Variants in PAX5 observed in about 807,000 individuals in gnomAD.
The protein encoded by PAX5 is paired box protein Pax-5.
Under a neutral mutation model 43.7 loss-of-function variants are expected in PAX5, and 9 were observed. The ratio of observed to expected loss-of-function variants is 0.21; its 90% CI spans 0.12 to 0.36. The LOEUF is 0.36. PAX5 is among the 10% of genes least tolerant of loss of function. The pLI, the probability that PAX5 is intolerant of heterozygous loss-of-function variation, is 1.00. For missense variants in PAX5, 383 were observed against 532.7 expected (o/e 0.72, Z 2.77); for synonymous variants, 228 against 214.3 (o/e 1.06, Z -0.56).
chr9:36,970,814 AT>A (rs1040953105), intron 5 of PAX5, among the ~76,000 whole-genome samples: 22 of 152,110 alleles, frequency 1.4e-4, no homozygotes, highest in African/African-American at 5.3e-4. Flanking sequence ...TCCAGCTCCC[AT>A]TCTTAGGGCT....
At chr9:36,970,296 G>A (rs910512058) in intron 5 of PAX5, among the ~76,000 whole-genome samples, 1 of 152,184 alleles carries the variant, frequency 6.6e-6, no homozygotes, top group African/African-American at 2.4e-5. Flanking sequence ...GGATGGGGCA[G>A]AGAGGGTGCC....
intron 6 of PAX5, among the ~76,000 whole-genome samples, chr9:36,942,172 G>A (rs1188876947): frequency 1.3e-5 from 2 of 152,188 alleles, no homozygotes; most frequent in African/African-American, 4.8e-5. Flanking sequence ...TCCTAGGTCA[G>A]GCCTATAACT....
At chr9:36,988,604 A>C (rs1460127561) in intron 5 of PAX5, among the ~76,000 whole-genome samples, 1 of 147,906 alleles carries the variant, frequency 6.8e-6, no homozygotes, top group African/African-American at 2.5e-5. Context: ...TCAAGGCTGC[A>C]GTGAGCTGTG....
chr9:36,854,952 G>A (rs991652879), intron 8 of PAX5, among the ~76,000 whole-genome samples: 4 of 152,238 alleles, frequency 2.6e-5, no homozygotes, highest in African/African-American at 7.2e-5. Flanking sequence ...GGAGCCTGGC[G>A]TGGAGGCCAG....
intron 6 of PAX5, among the ~76,000 whole-genome samples, chr9:36,965,628 G>A (rs1257942978): frequency 6.6e-6 from 1 of 152,232 alleles, no homozygotes; most frequent in Non-Finnish European, 1.5e-5. Flanking sequence ...AGATTCAGAA[G>A]CATCCTCTAA....
At chr9:36,945,570 C>G (rs185430513) in intron 6 of PAX5, among the ~76,000 whole-genome samples, 15 of 152,310 alleles carry the variant, frequency 9.8e-5, no homozygotes, top group African/African-American at 2.9e-4. Context: ...GCCAAGATAA[C>G]CAAATCAAGT....
chr9:36,834,047 T>A lies in PAX5; in HGVS notation c.*6513A>T. 1 of 233,178 alleles carries A rather than the reference T, an allele frequency of 4.3e-6. No homozygotes were observed. Among genetic ancestry groups the A allele is most frequent in the Non-Finnish European group, 8.5e-6 (1 of 117,988 alleles). The allele number at this position is 233,178 out of a possible 1,614,324, so 14.4% of individuals were successfully genotyped here. A position where few individuals can be genotyped will look rare whatever the true frequency, so the allele number is the denominator to read the frequency against. On this transcript the variant is annotated 3_prime_UTR_variant, in exon 10 of 10. Transcript: ENST00000358127. ...GCAAAGGTTTCCATTTGCAATGTAA[T>A]CTGCATTTCTACAAATACTCAATGT...
At chr9:36,991,077 C>T (rs1424868848) in intron 5 of PAX5, among the ~76,000 whole-genome samples, 1 of 150,468 alleles carries the variant, frequency 6.6e-6, no homozygotes, top group African/African-American at 2.5e-5. Flanking sequence ...CCTCTGCACT[C>T]CAGCCTGGGC....
intron 6 of PAX5, among the ~76,000 whole-genome samples, chr9:36,963,693 C>T (rs549404888): frequency 1.3e-5 from 2 of 152,320 alleles, no homozygotes; most frequent in South Asian, 2.1e-4. Context: ...TTCCTGGGCA[C>T]TCTGAGCTAA....
intron 5 of PAX5, among the ~76,000 whole-genome samples, chr9:36,973,007 G>A (rs1410570500): frequency 7.0e-6 from 1 of 143,690 alleles, no homozygotes; most frequent in Non-Finnish European, 1.5e-5. Flanking sequence ...CAGCCTGGCT[G>A]ACAGAGCGAG....
In PAX5 at chr9:36,833,536, A is replaced by G. The variant is rs981702048; in HGVS notation, c.*7024T>C. ...TGACAAGGAAAAAAAAGTAAAAAAA[A>G]AATTAAACCAAAACCCCACCCCTGT... On this transcript the variant is annotated 3_prime_UTR_variant, in exon 10 of 10. Coordinates refer to ENST00000358127, the MANE Select transcript of PAX5 (RefSeq NM_016734.3). The G allele has an allele frequency of 1.7e-5, 4 of 233,090 alleles. No individual in the cohort carries two copies. Among genetic ancestry groups the G allele is most frequent in the African/African-American group, 8.8e-5 (4 of 45,342 alleles). The allele number at this position is 233,090 out of a possible 1,614,324, so 14.4% of individuals were successfully genotyped here.
Position 36,969,377 on chromosome 9 carries a change from G to T in PAX5, c.605-2653C>A, listed in dbSNP as rs1170344694. ...TTGATCCCTCTCCCCCGGGACTCAT[G>T]GGCCAGGCTCTTTCCACAGCTCAGA... On this transcript the variant is annotated intron_variant, in intron 5 of 9. Coordinates refer to ENST00000358127, the MANE Select transcript of PAX5 (RefSeq NM_016734.3). 2.0e-5 allele frequency among the ~76,000 whole-genome samples: 3 copies of T among 152,170 alleles called. No homozygotes were observed. In the East Asian group the frequency reaches 5.8e-4, roughly 29 times the overall value.
In PAX5 at chr9:36,848,387, C is replaced by T. The variant is rs1002138934; in HGVS notation, c.1013-1458G>A. On this transcript the variant is annotated intron_variant, in intron 8 of 9. Transcript: ENST00000358127. Reference sequence around the variant, plus strand: ...ACACACACACACACACACACATGCTCGCGCTCCTCCTCGGGCCTCTCTGGG... The same window carrying T: ...ACACACACACACACACACACATGCTTGCGCTCCTCCTCGGGCCTCTCTGGG... Among the ~76,000 whole-genome samples the T allele has an allele frequency of 1.5e-3, 225 of 152,220 alleles. 1 individual carries two copies. The highest frequency in any genetic ancestry group is 5.2e-3 in the African/African-American group (218 of 41,550).
intron 5 of PAX5, among the ~76,000 whole-genome samples, chr9:36,976,992 C>T (rs1835491088): frequency 6.6e-6 from 1 of 152,178 alleles, no homozygotes; most frequent in Non-Finnish European, 1.5e-5. Context: ...CTGGCCCTGC[C>T]CTTCCCACCA....
chr9:36,869,440 A>G (rs1020184485), intron 8 of PAX5, among the ~76,000 whole-genome samples: 13 of 152,234 alleles, frequency 8.5e-5, no homozygotes, highest in African/African-American at 3.1e-4. Flanking sequence ...TAAGGGCAGC[A>G]CCAGGGATGT....
chr9:36,886,371 G>A (rs556629824), intron 7 of PAX5, among the ~76,000 whole-genome samples: 1 of 152,246 alleles, frequency 6.6e-6, no homozygotes, highest in South Asian at 2.1e-4. Context: ...TGATCCCCAC[G>A]CCTGGTTGGG....
intron 6 of PAX5, among the ~76,000 whole-genome samples, chr9:36,956,373 C>G (rs1462090153): frequency 6.6e-6 from 1 of 152,190 alleles, no homozygotes; most frequent in Non-Finnish European, 1.5e-5. Context: ...GGAGGAAAAA[C>G]TGTAAACAAG....
At chr9:36,872,516 C>T (rs1389788932) in intron 8 of PAX5, among the ~76,000 whole-genome samples, 2 of 152,146 alleles carry the variant, frequency 1.3e-5, no homozygotes, top group Admixed American at 6.5e-5. Context: ...GTCTCAAGGT[C>T]ATGCTGTGAG....
chr9:36,932,597 T>C (rs1320222947), intron 6 of PAX5, among the ~76,000 whole-genome samples: 2 of 152,200 alleles, frequency 1.3e-5, no homozygotes, highest in African/African-American at 2.4e-5. Context: ...TAAACCAGCA[T>C]GAGGGATCTT....
Sources: gnomAD v4.1 joint callset for allele counts (sites outside exome capture counted in the v4.1 genomes callset) on GRCh38, gnomAD v4.1.1 for gene constraint, MANE v1.5 for transcripts, NCBI Gene and HGNC (gene_info 2026-07-23, HGNC 2026-07-21) for gene names.